Variants in SBF2 observed in about 807,000 individuals in gnomAD.
SBF2 encodes the protein SET binding factor 2, also known as myotubularin-related protein 13.
A neutral mutation model predicts 225.2 loss-of-function variants in SBF2; 112 were observed. The ratio of observed to expected loss-of-function variants is 0.50; its 90% CI spans 0.43 to 0.58. SBF2 has a LOEUF of 0.58. SBF2 is among the 20% of genes least tolerant of loss of function. The probability of loss-of-function intolerance (pLI) is 0.00; values close to 1 mark genes in which losing one functional copy is unlikely to be tolerated. For missense variants in SBF2, 1,996 were observed against 2,206.2 expected (o/e 0.90, Z 1.91); for synonymous variants, 763 against 773.3 (o/e 0.99, Z 0.22).
chr11:10,205,175 A>C (rs951369522), intron 1 of SBF2, among the ~76,000 whole-genome samples: 1 of 152,066 alleles, frequency 6.6e-6, no homozygotes, highest in Non-Finnish European at 1.5e-5. Flanking sequence ...TTAAAATAAA[A>C]TTGAGTTTAA....
rs543048170 is a variant in SBF2, at chr11:10,155,593, G to T, written c.141+38309C>A. Among the ~76,000 whole-genome samples the T allele has an allele frequency of 5.5e-4, 83 of 152,040 alleles. No homozygotes were observed. In the South Asian group the frequency reaches 0.016, roughly 30 times the overall value. Reference sequence around the variant, plus strand: ...ACCAATTTTATTCTCATTTCAGAGGGGAAGGTCATACATATTTTAAAACTT... The same window carrying T: ...ACCAATTTTATTCTCATTTCAGAGGTGAAGGTCATACATATTTTAAAACTT... On this transcript the variant is annotated intron_variant, in intron 2 of 39. Coordinates refer to ENST00000256190, the MANE Select transcript of SBF2 (RefSeq NM_030962.4).
At chr11:10,052,965 CAT>C (rs1201088369) in intron 2 of SBF2, among the ~76,000 whole-genome samples, 1 of 152,042 alleles carries the variant, frequency 6.6e-6, no homozygotes, top group Non-Finnish European at 1.5e-5. Flanking sequence ...AATTTTGTAA[CAT>C]GTAACATTTC....
At chr11:10,107,897 C>T (rs1415027431) in intron 2 of SBF2, among the ~76,000 whole-genome samples, 2 of 152,260 alleles carry the variant, frequency 1.3e-5, no homozygotes, top group East Asian at 3.9e-4. Flanking sequence ...ACCATTCAAC[C>T]CACTACAAAG....
chr11:9,837,849 T>C (rs1270718009), intron 26 of SBF2, among the ~76,000 whole-genome samples: 8 of 152,262 alleles, frequency 5.3e-5, no homozygotes, highest in African/African-American at 2.4e-5. Flanking sequence ...GTGATTCTCC[T>C]GCCTCAGCCT....
chr11:10,012,500 A>C (rs924865917), intron 6 of SBF2, among the ~76,000 whole-genome samples: 1 of 152,064 alleles, frequency 6.6e-6, no homozygotes, highest in Admixed American at 6.5e-5. Context: ...TTCAGTTTTT[A>C]CTTCACTACT....
intron 1 of SBF2, among the ~76,000 whole-genome samples, chr11:10,200,047 A>G (rs181417084): frequency 2.7e-3 from 406 of 152,290 alleles, no homozygotes; most frequent in Admixed American, 7.5e-3. Flanking sequence ...AGGCAGGAAG[A>G]CTGCTTGAGC....
At position 10,119,909 on chromosome 11, in the gene SBF2, G is replaced by A. The variant is rs117763546; in HGVS notation, c.141+73993C>T. Among the ~76,000 whole-genome samples, 453 of 152,154 alleles carry A rather than the reference G, an allele frequency of 3.0e-3. 10 individuals are homozygous for A. The East Asian group carries it at 0.062, about 21-fold the overall frequency. On this transcript the variant is annotated intron_variant, in intron 2 of 39. Transcript: ENST00000256190. Reference sequence around the variant, plus strand: ...TATAAATCAGAATATCTTGGCAGTCGGGCCTTAGAATCAATATTTTAAATT... The same window carrying A: ...TATAAATCAGAATATCTTGGCAGTCAGGCCTTAGAATCAATATTTTAAATT...
intron 2 of SBF2, among the ~76,000 whole-genome samples, chr11:10,067,880 T>C (rs1167254294): frequency 6.6e-6 from 1 of 151,964 alleles, no homozygotes; most frequent in Non-Finnish European, 1.5e-5. Context: ...AACAAAATGA[T>C]ACCCCTCCCC....
chr11:9,909,612 G>T (rs1862422744), intron 16 of SBF2, among the ~76,000 whole-genome samples: 1 of 151,398 alleles, frequency 6.6e-6, no homozygotes, highest in Non-Finnish European at 1.5e-5. Context: ...GGAGCTTGCG[G>T]TGAGCCGAGA....
chr11:9,982,031 T>C (rs764108981), intron 13 of SBF2, among the ~76,000 whole-genome samples: 9 of 152,270 alleles, frequency 5.9e-5, no homozygotes, highest in Non-Finnish European at 1.3e-4. Context: ...TGTCATTTTA[T>C]GCTCTTTTCT....
intron 2 of SBF2, among the ~76,000 whole-genome samples, chr11:10,110,493 A>G (rs1378479070): frequency 6.6e-6 from 1 of 152,186 alleles, no homozygotes; most frequent in East Asian, 1.9e-4. Context: ...AAGATCTAAA[A>G]TAAACTTCTA....
intron 16 of SBF2, among the ~76,000 whole-genome samples, chr11:9,912,084 A>G (rs1022943518): frequency 1.3e-5 from 2 of 151,954 alleles, no homozygotes; most frequent in African/African-American, 2.4e-5. Context: ...TGGGAGGCTA[A>G]GGCAGGCAAA....
chr11:10,169,629 G>A (rs1203635804), intron 2 of SBF2, among the ~76,000 whole-genome samples: 3 of 152,164 alleles, frequency 2.0e-5, no homozygotes, highest in Non-Finnish European at 4.4e-5. Flanking sequence ...GAATAGTGTT[G>A]CAGTAAACAT....
Position 10,256,071 on chromosome 11 carries a change from G to C in SBF2, c.55+37944C>G, listed in dbSNP as rs549100161. The stretch of plus-strand genomic sequence containing the variant: ...TGCCAAACTATATGCAGACTCATTT[G>C]AGCTACTTCATAAAGAAAATTTAGT... On this transcript the variant is annotated intron_variant, in intron 1 of 39. Coordinates refer to ENST00000256190, the MANE Select transcript of SBF2 (RefSeq NM_030962.4). Among the ~76,000 whole-genome samples, 7 of 152,320 alleles carry C rather than the reference G, an allele frequency of 4.6e-5. No individual in the cohort carries two copies. In the South Asian group the frequency reaches 6.2e-4, roughly 14 times the overall value.
Position 10,290,723 on chromosome 11 carries a change from T to C in SBF2, c.55+3292A>G, listed in dbSNP as rs564618429. On this transcript the variant is annotated intron_variant, in intron 1 of 39. Transcript: ENST00000256190. ...AACACTAGAATAGATCCTGGACTATTTGACTGAAATTGGAGGTATCAGTAT... is the reference window on the plus strand; with the variant it reads ...AACACTAGAATAGATCCTGGACTATCTGACTGAAATTGGAGGTATCAGTAT... 2.0e-5 allele frequency among the ~76,000 whole-genome samples: 3 copies of C among 152,276 alleles called. No individual in the cohort carries two copies. In the East Asian group the frequency reaches 5.8e-4, roughly 29 times the overall value.
rs978405017 is a variant in SBF2 at position 9,993,245 on chromosome 11, A to G, written c.1054-142T>C. 3.1e-5 allele frequency: 20 copies of G among 647,508 alleles called. No homozygotes were observed. In the African/African-American group the frequency reaches 3.3e-4, roughly 11 times the overall value. 40.1% of individuals were successfully genotyped at this position (647,508 alleles called of 1,614,324 possible). ...AACAATTACAGTCACAACCAAACAT[A>G]AGAAGAAAAAACTCTCAAGATTGTA... is the stretch of plus-strand genomic sequence containing the variant. On this transcript the variant is annotated intron_variant, in intron 10 of 39. Transcript: ENST00000256190.
intron 2 of SBF2, among the ~76,000 whole-genome samples, chr11:10,177,371 C>G (rs9667782): frequency 0.44 from 56,040 of 127,332 alleles, 14,049 homozygotes; most frequent in Non-Finnish European, 0.51. Flanking sequence ...GAAATAAAGG[C>G]TATTCAATTA....
At chr11:9,937,004 C>T (rs760386655) in intron 16 of SBF2, among the ~76,000 whole-genome samples, 3 of 152,098 alleles carry the variant, frequency 2.0e-5, no homozygotes, top group African/African-American at 4.8e-5. Context: ...AACACCAACA[C>T]ATCAGGGGCC....
At chr11:9,815,281 TAAAA>T (rs35464212) in intron 29 of SBF2, among the ~76,000 whole-genome samples, 1 of 42,802 alleles carries the variant, frequency 2.3e-5, no homozygotes, top group African/African-American at 1.1e-4. Context: ...CTACTAAAAC[TAAAA>T]AAAAAAAAAA....
Sources: allele counts gnomAD v4.1 joint callset (sites outside exome capture counted in the v4.1 genomes callset), GRCh38; gene constraint gnomAD v4.1.1; transcripts MANE v1.5; gene names NCBI Gene and HGNC (gene_info 2026-07-23, HGNC 2026-07-21).